The following SORCS1 variants were observed in gnomAD, a reference collection of about 807,000 sequenced individuals.
The protein encoded by SORCS1 is VPS10 domain-containing receptor SorCS1.
A neutral mutation model predicts 146.1 loss-of-function variants in SORCS1; 60 were observed. That is an observed-to-expected ratio of 0.41 (90% CI 0.33 to 0.51). The LOEUF is 0.51. SORCS1 is among the 20% of genes least tolerant of loss of function. The probability of loss-of-function intolerance (pLI) is 0.21; values close to 1 mark genes in which losing one functional copy is unlikely to be tolerated. For missense variants in SORCS1, 1,352 were observed against 1,487.6 expected, an observed-to-expected ratio of 0.91 and a Z score of 1.50; for synonymous variants, 637 against 584.0, an observed-to-expected ratio of 1.09 and a Z score of -1.31.
At chr10:107,080,857 T>C (rs1364429913) in intron 1 of SORCS1, among the ~76,000 whole-genome samples, 1 of 152,232 alleles carries the variant, frequency 6.6e-6, no homozygotes, top group African/African-American at 2.4e-5. Context: ...GCACCTTTTG[T>C]TACCAGAGTG....
At chr10:106,701,768 G>C (rs1172013992) in intron 8 of SORCS1, among the ~76,000 whole-genome samples, 1 of 152,178 alleles carries the variant, frequency 6.6e-6, no homozygotes, top group Non-Finnish European at 1.5e-5. Flanking sequence ...CTATAACTTA[G>C]CCATGTGAAT....
At chr10:106,992,820 TTCTTTC>T (rs57486831) in intron 1 of SORCS1, among the ~76,000 whole-genome samples, 2,505 of 114,830 alleles carry the variant, frequency 0.022, 244 homozygotes, top group African/African-American at 0.088. Context: ...CTTCCTTTCT[TTCTTTC>T]TTTTTTTTTT....
intron 9 of SORCS1, among the ~76,000 whole-genome samples, chr10:106,693,996 T>TA (rs534937423): frequency 2.1e-4 from 32 of 151,602 alleles, no homozygotes; most frequent in Non-Finnish European, 3.8e-4. Flanking sequence ...AAAAAAAAAT[T>TA]AAAAAGATGA....
Position 106,593,136 on chromosome 10 carries a change from A to G in SORCS1, c.3265+4215T>C, listed in dbSNP as rs568928934. Among the ~76,000 whole-genome samples, 151 of 151,936 alleles carry G rather than the reference A, an allele frequency of 9.9e-4. 2 individuals carry two copies. Among genetic ancestry groups the G allele is most frequent in the African/African-American group, 3.4e-3 (139 of 41,466 alleles). On this transcript the variant is annotated intron_variant, in intron 24 of 25. Coordinates refer to ENST00000263054, the MANE Select transcript of SORCS1 (RefSeq NM_052918.5). ...TGGGTGAGACCCCATCTCAAAAAAA[A>G]AAAAAAAAAGAAACAAAACTGTGGC... is the stretch of plus-strand genomic sequence containing the variant.
At chr10:106,837,180 A>G (rs904398765) in intron 2 of SORCS1, among the ~76,000 whole-genome samples, 3 of 152,138 alleles carry the variant, frequency 2.0e-5, no homozygotes, top group Non-Finnish European at 4.4e-5. Flanking sequence ...CCTCTGAAGA[A>G]CTTCTAGCTT....
At chr10:106,704,317 TGAGA>T (rs1338383158) in intron 8 of SORCS1, among the ~76,000 whole-genome samples, 4 of 152,132 alleles carry the variant, frequency 2.6e-5, no homozygotes, top group African/African-American at 9.7e-5. Flanking sequence ...AGTACTACCT[TGAGA>T]GTCAGGAGAC....
intron 3 of SORCS1, among the ~76,000 whole-genome samples, chr10:106,797,626 CA>C (rs1368277172): frequency 6.6e-6 from 1 of 151,496 alleles, no homozygotes; most frequent in East Asian, 2.0e-4. Flanking sequence ...ACATGCAAAA[CA>C]AAACCTCTCC....
intron 2 of SORCS1, among the ~76,000 whole-genome samples, chr10:106,929,921 G>A (rs1038479212): frequency 3.3e-5 from 5 of 152,236 alleles, no homozygotes; most frequent in Non-Finnish European, 7.3e-5. Context: ...CTTGCTAACA[G>A]AGAATGGATG....
intron 1 of SORCS1, among the ~76,000 whole-genome samples, chr10:107,003,250 A>C (rs1957288584): frequency 6.6e-6 from 1 of 152,026 alleles, no homozygotes; most frequent in South Asian, 2.1e-4. Flanking sequence ...GTGAGACTCC[A>C]TCTCAAAAAG....
chr10:106,719,166 A>C lies in SORCS1; in HGVS notation c.1025-9825T>G, dbSNP rs993531965. On this transcript the variant is annotated intron_variant, in intron 6 of 25. Transcript: ENST00000263054. ...GAGAAGGATAAAAAGTAGGAAGAAAAGAAGAAAGCAAGCAAGAATGAAAAG... is the reference window on the plus strand; with the variant it reads ...GAGAAGGATAAAAAGTAGGAAGAAACGAAGAAAGCAAGCAAGAATGAAAAG... Among the ~76,000 whole-genome samples the C allele has an allele frequency of 2.6e-5, 4 of 152,296 alleles. No homozygotes were observed. The East Asian group carries it at 7.7e-4, about 29-fold the overall frequency.
intron 1 of SORCS1, among the ~76,000 whole-genome samples, chr10:107,126,857 G>A (rs867702313): frequency 8.5e-5 from 13 of 152,050 alleles, no homozygotes; most frequent in Admixed American, 2.0e-4. Flanking sequence ...ACAGAAAAAC[G>A]AGCCTAAAAG....
At chr10:106,842,142 A>AT (rs925471528) in intron 2 of SORCS1, among the ~76,000 whole-genome samples, 3 of 151,922 alleles carry the variant, frequency 2.0e-5, no homozygotes, top group African/African-American at 4.8e-5. Flanking sequence ...GCAGCGTATC[A>AT]TTTTTTTTAT....
At chr10:106,641,376 G>C (rs1031422093) in intron 18 of SORCS1, among the ~76,000 whole-genome samples, 7 of 152,092 alleles carry the variant, frequency 4.6e-5, no homozygotes, top group African/African-American at 1.7e-4. Context: ...TTGCAAACTA[G>C]TATCAGTGTA....
At chr10:106,579,335 A>G in intron 25 of SORCS1, 34 bp downstream of exon 25, 1 of 1,614,010 alleles carries the variant, frequency 6.2e-7, no homozygotes. Flanking sequence ...GGAAGAGGTC[A>G]GGGGTGGGGG....
intron 2 of SORCS1, among the ~76,000 whole-genome samples, chr10:106,890,737 CT>C: frequency 6.6e-6 from 1 of 152,252 alleles, no homozygotes; most frequent in Non-Finnish European, 1.5e-5. Flanking sequence ...AACATTGGCC[CT>C]GTTTGTACCT....
chr10:106,581,887 A>G (rs1428819772), intron 24 of SORCS1, among the ~76,000 whole-genome samples: 1 of 152,206 alleles, frequency 6.6e-6, no homozygotes, highest in Non-Finnish European at 1.5e-5. Flanking sequence ...GTCAGGGAAC[A>G]ATGGAGGCTC....
intron 5 of SORCS1, among the ~76,000 whole-genome samples, chr10:106,753,399 T>C (rs1419278726): frequency 1.3e-5 from 2 of 152,118 alleles, no homozygotes; most frequent in Non-Finnish European, 2.9e-5. Context: ...GGAAGAGGAA[T>C]GGCCATGGTG....
chr10:106,718,120 A>G (rs1855513339), intron 6 of SORCS1, among the ~76,000 whole-genome samples: 1 of 152,236 alleles, frequency 6.6e-6, no homozygotes, highest in African/African-American at 2.4e-5. Flanking sequence ...TCATTATTCC[A>G]GAAAGAAGGA....
At chr10:106,679,570 A>G (rs994020093) in intron 11 of SORCS1, 62 bp downstream of exon 11, 2 of 1,361,164 alleles carry the variant, frequency 1.5e-6, no homozygotes, top group East Asian at 4.9e-5. Flanking sequence ...CCAAGTACAG[A>G]TATCTAGCTT....
Sources: gnomAD v4.1 joint callset for allele counts (sites outside exome capture counted in the v4.1 genomes callset) on GRCh38, gnomAD v4.1.1 for gene constraint, MANE v1.5 for transcripts, NCBI Gene and HGNC (gene_info 2026-07-23, HGNC 2026-07-21) for gene names.